The following ZCCHC7 variants were observed in gnomAD, a reference collection of about 807,000 sequenced individuals.
The protein encoded by ZCCHC7 is zinc finger CCHC domain-containing protein 7.
ZCCHC7 carries 35 observed loss-of-function variants against 52.0 expected under a neutral mutation model. That is an observed-to-expected ratio of 0.67 (90% CI 0.51 to 0.89). ZCCHC7 has a LOEUF of 0.89. Among genes scored for constraint, ZCCHC7 ranks in the 40% least tolerant of loss-of-function variants. ZCCHC7 has a pLI of 0.00. For missense variants in ZCCHC7, 574 were observed against 649.1 expected (o/e 0.88, Z 1.26); for synonymous variants, 217 against 221.5 (o/e 0.98, Z 0.18).
chr9:37,212,053 A>G (rs1267813524), intron 2 of ZCCHC7, among the ~76,000 whole-genome samples: 4 of 129,254 alleles, frequency 3.1e-5, no homozygotes, highest in African/African-American at 2.9e-5. Flanking sequence ...AAAAAAAAAA[A>G]AAAAAAAAAA....
chr9:37,176,414 G>T (rs1268878930), intron 2 of ZCCHC7, among the ~76,000 whole-genome samples: 1 of 152,116 alleles, frequency 6.6e-6, no homozygotes, highest in African/African-American at 2.4e-5. Flanking sequence ...GGTAGCCTAG[G>T]AACTCAGCCA....
intron 5 of ZCCHC7, among the ~76,000 whole-genome samples, chr9:37,305,982 C>T (rs1829283537): frequency 6.6e-6 from 1 of 151,992 alleles, no homozygotes; most frequent in African/African-American, 2.4e-5. Flanking sequence ...CATTCTAGCC[C>T]TTTTTCTTTA....
intron 5 of ZCCHC7, among the ~76,000 whole-genome samples, chr9:37,314,343 C>T (rs1829719840): frequency 6.6e-6 from 1 of 150,856 alleles, no homozygotes; most frequent in African/African-American, 2.5e-5. Flanking sequence ...AGTCCAATCA[C>T]ATTTGGGAAG....
At chr9:37,162,612 C>T (rs552005368) in intron 2 of ZCCHC7, among the ~76,000 whole-genome samples, 40 of 152,318 alleles carry the variant, frequency 2.6e-4, no homozygotes, top group Admixed American at 2.0e-3. Context: ...ACAGTTTATC[C>T]ATTCACTTAT....
chr9:37,211,944 C>A (rs1246511812), intron 2 of ZCCHC7, among the ~76,000 whole-genome samples: 1 of 138,300 alleles, frequency 7.2e-6, no homozygotes, highest in Non-Finnish European at 1.5e-5. Context: ...GACAGAATGG[C>A]ATGAACCCGG....
chr9:37,261,142 G>A (rs1299970070), intron 2 of ZCCHC7, among the ~76,000 whole-genome samples: 1 of 151,968 alleles, frequency 6.6e-6, no homozygotes, highest in Non-Finnish European at 1.5e-5. Flanking sequence ...TTGTAATCTT[G>A]TACCTATGTG....
intron 7 of ZCCHC7, among the ~76,000 whole-genome samples, chr9:37,353,459 A>G (rs2095250308): frequency 1.3e-5 from 2 of 152,218 alleles, no homozygotes; most frequent in African/African-American, 4.8e-5. Context: ...TGGAATATTC[A>G]TCAGTAAGAG....
At chr9:37,218,012 T>A (rs1046253754) in intron 2 of ZCCHC7, among the ~76,000 whole-genome samples, 9 of 152,230 alleles carry the variant, frequency 5.9e-5, no homozygotes, top group Non-Finnish European at 1.2e-4. Flanking sequence ...GACTTAATCA[T>A]CTTCTAGTTC....
intron 6 of ZCCHC7, among the ~76,000 whole-genome samples, chr9:37,348,396 TGACATGGAGTCTCG>T (rs1821155719): frequency 6.6e-6 from 1 of 151,272 alleles, no homozygotes; most frequent in African/African-American, 2.4e-5. Flanking sequence ...CTTTCTTTTT[TGACATGGAGTCTCG>T]CTTTTGTCGC....
chr9:37,154,656 G>GT lies in ZCCHC7; in HGVS notation c.610+27720dup, dbSNP rs964952770. On this transcript the variant is annotated intron_variant, in intron 2 of 8. Coordinates refer to ENST00000336755, the MANE Select transcript of ZCCHC7 (RefSeq NM_032226.3). ...ACCACCATGCCTGGGTGATTTTTCT[G>GT]TTTTTTGTTTTTTTTTTAAATAGGG... 8.6e-4 allele frequency among the ~76,000 whole-genome samples: 117 copies of GT among 135,610 alleles called. 1 individual carries two copies. The highest frequency in any genetic ancestry group is 2.9e-3 in the African/African-American group (107 of 36,426). The allele number at this position is 135,610 out of a possible 152,430, so 89.0% of individuals were successfully genotyped here.
intron 2 of ZCCHC7, among the ~76,000 whole-genome samples, chr9:37,270,033 G>A (rs1413234310): frequency 6.6e-6 from 1 of 152,100 alleles, no homozygotes; most frequent in African/African-American, 2.4e-5. Flanking sequence ...GTGTGTATCT[G>A]GTCTGAATTG....
chr9:37,224,152 T>G (rs1824972935), intron 2 of ZCCHC7, among the ~76,000 whole-genome samples: 1 of 152,122 alleles, frequency 6.6e-6, no homozygotes, highest in Non-Finnish European at 1.5e-5. Flanking sequence ...TTTTTATAAT[T>G]GATTATACCG....
At chr9:37,176,623 G>A (rs1822046316) in intron 2 of ZCCHC7, among the ~76,000 whole-genome samples, 1 of 151,544 alleles carries the variant, frequency 6.6e-6, no homozygotes, top group African/African-American at 2.4e-5. Flanking sequence ...TAAAATATAT[G>A]CATAACTGAA....
intron 5 of ZCCHC7, among the ~76,000 whole-genome samples, chr9:37,317,474 G>A (rs1829872295): frequency 6.6e-6 from 1 of 152,204 alleles, no homozygotes; most frequent in Admixed American, 6.5e-5. Context: ...CTACTCAGGA[G>A]GCTGAGGCAG....
intron 2 of ZCCHC7, among the ~76,000 whole-genome samples, chr9:37,178,493 G>C (rs1390591620): frequency 6.6e-6 from 1 of 151,362 alleles, no homozygotes; most frequent in Non-Finnish European, 1.5e-5. Context: ...TAGAAAGAGA[G>C]GAAAGGAAGG....
chr9:37,180,628 C>G (rs1031361088), intron 2 of ZCCHC7, among the ~76,000 whole-genome samples: 2 of 151,844 alleles, frequency 1.3e-5, no homozygotes, highest in African/African-American at 4.8e-5. Flanking sequence ...TTTTGTTGTC[C>G]TTTGTTATAA....
At chr9:37,125,987 C>A (rs141643290) in intron 1 of ZCCHC7, among the ~76,000 whole-genome samples, 1,709 of 152,294 alleles carry the variant, frequency 0.011, 20 homozygotes, top group Non-Finnish European at 0.019. Context: ...GTGTAGTTGA[C>A]TACACCATCT....
chr9:37,242,897 G>A (rs538880619), intron 2 of ZCCHC7, among the ~76,000 whole-genome samples: 6 of 151,772 alleles, frequency 4.0e-5, no homozygotes, highest in Non-Finnish European at 8.9e-5. Flanking sequence ...GAATGGTTTT[G>A]TATTAAGGAA....
At chr9:37,213,516 TTAACA>T (rs998482250) in intron 2 of ZCCHC7, among the ~76,000 whole-genome samples, 3 of 152,188 alleles carry the variant, frequency 2.0e-5, no homozygotes, top group Non-Finnish European at 2.9e-5. Flanking sequence ...CTGAAAACTT[TTAACA>T]AGGTGTCAAA....
Sources: gnomAD v4.1 joint callset for allele counts (sites outside exome capture counted in the v4.1 genomes callset) on GRCh38, gnomAD v4.1.1 for gene constraint, MANE v1.5 for transcripts, NCBI Gene and HGNC (gene_info 2026-07-23, HGNC 2026-07-21) for gene names.